The following FBXL7 variants were observed in gnomAD, a reference collection of about 807,000 sequenced individuals.
FBXL7 encodes F-box and leucine rich repeat protein 7.
Under a neutral mutation model 38.3 loss-of-function variants are expected in FBXL7, and 12 were observed. That is an observed-to-expected ratio of 0.31 (90% CI 0.20 to 0.51). FBXL7 has a LOEUF of 0.51. Among genes scored for constraint, FBXL7 ranks in the 20% least tolerant of loss-of-function variants. The pLI is 0.98. For synonymous variants in FBXL7, 297 were observed against 300.9 expected, an observed-to-expected ratio of 0.99 and a Z score of 0.13; for missense variants, 567 against 676.4, an observed-to-expected ratio of 0.84 and a Z score of 1.79.
chr5:15,552,946 A>G (rs996118757), intron 1 of FBXL7, among the ~76,000 whole-genome samples: 5 of 152,016 alleles, frequency 3.3e-5, no homozygotes, highest in Admixed American at 2.6e-4. Context: ...GCCAGGCGTG[A>G]TGGCACGCAC....
Position 15,749,244 on chromosome 5 carries a change from C to CAAAA in FBXL7, c.127+133193_127+133196dup, listed in dbSNP as rs70938027. On this transcript the variant is annotated intron_variant, in intron 2 of 3. Coordinates refer to ENST00000504595, the MANE Select transcript of FBXL7 (RefSeq NM_012304.5). ...TGGCCAACAGAGTGAGACTCTGTCT[C>CAAAA]AAAAAAAAAAAAAAAAAAAAAAAAT... is the stretch of plus-strand genomic sequence containing the variant. Among the ~76,000 whole-genome samples, 76 of 70,074 alleles carry CAAAA rather than the reference C, an allele frequency of 1.1e-3. 3 individuals carry two copies. The highest frequency in any genetic ancestry group is 4.2e-3 in the African/African-American group (68 of 16,220). The allele number at this position is 70,074 out of a possible 152,430, so 46.0% of individuals were successfully genotyped here.
intron 2 of FBXL7, among the ~76,000 whole-genome samples, chr5:15,789,962 G>A (rs1487298123): frequency 1.3e-5 from 2 of 152,184 alleles, no homozygotes; most frequent in South Asian, 2.1e-4. Context: ...CCTTGAATTT[G>A]CCCTGATGCT....
chr5:15,845,565 A>C (rs1179323830), intron 2 of FBXL7, among the ~76,000 whole-genome samples: 2 of 152,114 alleles, frequency 1.3e-5, no homozygotes, highest in Non-Finnish European at 2.9e-5. Flanking sequence ...TATTCAAATA[A>C]TTAAGATACA....
chr5:15,876,150 C>T lies in FBXL7; in HGVS notation c.128-51740C>T, dbSNP rs1455394328. 2.0e-5 allele frequency among the ~76,000 whole-genome samples: 3 copies of T among 151,578 alleles called. No homozygotes were observed. In the East Asian group the frequency reaches 5.9e-4, roughly 30 times the overall value. ...CATCATTCTCAGCAAACTAACAGAA[C>T]AGAAAACCCAATACCGCATGTTCTC... On this transcript the variant is annotated intron_variant, in intron 2 of 3. Coordinates refer to ENST00000504595, the MANE Select transcript of FBXL7 (RefSeq NM_012304.5).
intron 2 of FBXL7, among the ~76,000 whole-genome samples, chr5:15,881,161 C>G (rs4702113): frequency 0.19 from 29,555 of 151,990 alleles, 3,144 homozygotes; most frequent in Admixed American, 0.33. Context: ...AATGTGTAGT[C>G]TTTTATCCCT....
intron 2 of FBXL7, among the ~76,000 whole-genome samples, chr5:15,881,058 G>GT (rs958649734): frequency 2.6e-5 from 4 of 151,818 alleles, no homozygotes; most frequent in African/African-American, 7.3e-5. Flanking sequence ...ATTTTATTTT[G>GT]TTTTTTGGGA....
At chr5:15,829,647 G>T (rs970471913) in intron 2 of FBXL7, among the ~76,000 whole-genome samples, 1 of 152,018 alleles carries the variant, frequency 6.6e-6, no homozygotes, top group African/African-American at 2.4e-5. Context: ...AATAGCATTG[G>T]CTTTCTTTGC....
At chr5:15,601,937 T>G (rs1470229488) in intron 1 of FBXL7, among the ~76,000 whole-genome samples, 3 of 152,158 alleles carry the variant, frequency 2.0e-5, no homozygotes, top group African/African-American at 4.8e-5. Context: ...AGAGACATAC[T>G]GAGTAGGGTG....
At chr5:15,528,081 C>G (rs2162908) in intron 1 of FBXL7, among the ~76,000 whole-genome samples, 2,616 of 152,248 alleles carry the variant, frequency 0.017, 82 homozygotes, top group African/African-American at 0.06. Flanking sequence ...TTGGTTCCTT[C>G]TTCGAGTAAA....
At chr5:15,722,800 G>A (rs1230534751) in intron 2 of FBXL7, among the ~76,000 whole-genome samples, 3 of 152,062 alleles carry the variant, frequency 2.0e-5, no homozygotes, top group Non-Finnish European at 4.4e-5. Context: ...GTGCATGCCT[G>A]TAGTCCCAGC....
chr5:15,859,021 A>G (rs1433608761), intron 2 of FBXL7, among the ~76,000 whole-genome samples: 2 of 152,120 alleles, frequency 1.3e-5, no homozygotes, highest in Admixed American at 6.6e-5. Flanking sequence ...TCTTCCTCAC[A>G]TTATTTAAAG....
intron 2 of FBXL7, among the ~76,000 whole-genome samples, chr5:15,684,176 AT>A (rs1346487174): frequency 2.0e-5 from 3 of 152,150 alleles, no homozygotes; most frequent in African/African-American, 7.2e-5. Flanking sequence ...TATGGTCCTC[AT>A]TAGTCATTTG....
intron 1 of FBXL7, among the ~76,000 whole-genome samples, chr5:15,514,614 A>G (rs149314886): frequency 5.3e-4 from 81 of 152,316 alleles, no homozygotes; most frequent in African/African-American, 1.8e-3. Flanking sequence ...GCTGTGTTTC[A>G]TTGTAATCCA....
At chr5:15,621,526 A>T (rs185958133) in intron 2 of FBXL7, among the ~76,000 whole-genome samples, 1 of 152,296 alleles carries the variant, frequency 6.6e-6, no homozygotes, top group African/African-American at 2.4e-5. Context: ...CACACAGCAG[A>T]GCATGTTGAG....
At chr5:15,586,974 C>T (rs761503888) in intron 1 of FBXL7, among the ~76,000 whole-genome samples, 9 of 152,202 alleles carry the variant, frequency 5.9e-5, no homozygotes, top group Non-Finnish European at 1.2e-4. Context: ...TCTCCACAGT[C>T]ATTACCTGTG....
chr5:15,684,975 A>G (rs546444788), intron 2 of FBXL7, among the ~76,000 whole-genome samples: 4 of 152,304 alleles, frequency 2.6e-5, no homozygotes, highest in African/African-American at 9.6e-5. Flanking sequence ...AAAATTTTTG[A>G]AATTCTTCAC....
chr5:15,635,920 T>A (rs1011687148), intron 2 of FBXL7, among the ~76,000 whole-genome samples: 10 of 151,804 alleles, frequency 6.6e-5, no homozygotes, highest in Non-Finnish European at 1.5e-4. Context: ...AGCCTTTTTT[T>A]TTTTTTTCTA....
At chr5:15,698,726 TG>T (rs1241152354) in intron 2 of FBXL7, among the ~76,000 whole-genome samples, 1 of 152,220 alleles carries the variant, frequency 6.6e-6, no homozygotes, top group Non-Finnish European at 1.5e-5. Context: ...TGAGTCCAGT[TG>T]CTTAAAAAAG....
At chr5:15,671,910 G>A (rs1231335962) in intron 2 of FBXL7, among the ~76,000 whole-genome samples, 2 of 152,156 alleles carry the variant, frequency 1.3e-5, no homozygotes, top group Admixed American at 1.3e-4. Flanking sequence ...AAGGCATTTT[G>A]GGTTCCTTGG....
Sources: allele counts gnomAD v4.1 joint callset (sites outside exome capture counted in the v4.1 genomes callset), GRCh38; gene constraint gnomAD v4.1.1; transcripts MANE v1.5; gene names NCBI Gene and HGNC (gene_info 2026-07-23, HGNC 2026-07-21).